The following MAST4 variants were observed in gnomAD, a reference collection of about 807,000 sequenced individuals.
The protein encoded by MAST4 is microtubule associated serine/threonine kinase family member 4.
In MAST4, 89 loss-of-function variants were observed where a neutral mutation model predicts 162.7. The observed-to-expected ratio is 0.55, with a 90% confidence interval of 0.46 to 0.65. MAST4 has a LOEUF of 0.65. Among genes scored for constraint, MAST4 ranks in the 30% least tolerant of loss-of-function variants. The pLI, the probability that MAST4 is intolerant of heterozygous loss-of-function variation, is 0.00. For missense variants in MAST4, 3,153 were observed against 3,374.0 expected, an observed-to-expected ratio of 0.93 and a Z score of 1.62; for synonymous variants, 1,479 against 1,361.1, an observed-to-expected ratio of 1.09 and a Z score of -1.91.
intron 1 of MAST4, among the ~76,000 whole-genome samples, chr5:66,672,726 A>G (rs528307126): frequency 3.3e-5 from 5 of 152,178 alleles, no homozygotes; most frequent in Non-Finnish European, 5.9e-5. Flanking sequence ...GGCCACCACA[A>G]AGAGTGCTCC....
chr5:66,739,158 C>T (rs1752338346), intron 1 of MAST4, among the ~76,000 whole-genome samples: 1 of 152,164 alleles, frequency 6.6e-6, no homozygotes, highest in African/African-American at 2.4e-5. Context: ...GAATTTCCTG[C>T]TTTTTCCTAT....
intron 4 of MAST4, among the ~76,000 whole-genome samples, chr5:66,942,617 G>A (rs1743487286): frequency 6.6e-6 from 1 of 152,126 alleles, no homozygotes; most frequent in Non-Finnish European, 1.5e-5. Flanking sequence ...TGAGCATGTT[G>A]TACCCTTCCA....
rs184761195 is a variant in MAST4, at chr5:66,826,610, C to G, written c.642+37816C>G. Among the ~76,000 whole-genome samples, 123 of 152,234 alleles carry G rather than the reference C, an allele frequency of 8.1e-4. 2 individuals are homozygous for G. The highest frequency in any genetic ancestry group is 6.0e-3 in the Admixed American group (91 of 15,290). On this transcript the variant is annotated intron_variant, in intron 3 of 28. Transcript: ENST00000403625. Reference sequence around the variant, plus strand: ...ACTGGTTTGTCCTCCCACCACCCCCCCCAATCCCCCGTCTCTTTCTCTGTA... The same window carrying G: ...ACTGGTTTGTCCTCCCACCACCCCCGCCAATCCCCCGTCTCTTTCTCTGTA...
rs964418676 is a variant in MAST4 at position 66,973,511 on chromosome 5, GTCC to G, written c.674+73535_674+73537del. The stretch of plus-strand genomic sequence containing the variant: ...ATATTTGCCAAGAACAGGTGATGAT[GTCC>G]TCCTCATAGCATCACACCAGGAAGT... On this transcript the variant is annotated intron_variant, in intron 4 of 28. Transcript: ENST00000403625. 3.7e-4 allele frequency among the ~76,000 whole-genome samples: 56 copies of G among 152,252 alleles called. 1 individual carries two copies. The highest frequency in any genetic ancestry group is 3.3e-4 in the Admixed American group (5 of 15,298).
chr5:66,607,912 C>T (rs1188547060), intron 1 of MAST4, among the ~76,000 whole-genome samples: 1 of 152,092 alleles, frequency 6.6e-6, no homozygotes, highest in Non-Finnish European at 1.5e-5. Context: ...GGCACCTATT[C>T]TTCCTGTCCC....
intron 3 of MAST4, among the ~76,000 whole-genome samples, chr5:66,894,405 A>C (rs1762551442): frequency 6.6e-6 from 1 of 152,172 alleles, no homozygotes. Flanking sequence ...TTACACATTC[A>C]AGTAATACTG....
At position 67,135,737 on chromosome 5, in the gene MAST4, G is replaced by A. The variant is rs923788414; in HGVS notation, c.2393-826G>A. On this transcript the variant is annotated intron_variant, in intron 18 of 28. Transcript: ENST00000403625. Reference sequence around the variant, plus strand: ...GGAATCAACTGTTTAATTAACACAAGCAGCAAATGCTGGCTTTGTTCTTGA... The same window carrying A: ...GGAATCAACTGTTTAATTAACACAAACAGCAAATGCTGGCTTTGTTCTTGA... 9.2e-5 allele frequency among the ~76,000 whole-genome samples: 14 copies of A among 152,176 alleles called. No homozygotes were observed. In the East Asian group the frequency reaches 9.6e-4, roughly 10 times the overall value.
At chr5:66,996,449 T>G (rs1182867312) in intron 4 of MAST4, among the ~76,000 whole-genome samples, 1 of 152,180 alleles carries the variant, frequency 6.6e-6, no homozygotes, top group African/African-American at 2.4e-5. Flanking sequence ...TATCATTGTT[T>G]TAGTTTCTTC....
At chr5:67,105,711 G>A (rs1173261364) in intron 10 of MAST4, among the ~76,000 whole-genome samples, 1 of 152,182 alleles carries the variant, frequency 6.6e-6, no homozygotes, top group East Asian at 1.9e-4. Context: ...TGCTAAATGA[G>A]TTACATTACA....
At chr5:67,091,435 A>G (rs76765714) in intron 6 of MAST4, among the ~76,000 whole-genome samples, 2,955 of 152,218 alleles carry the variant, frequency 0.019, 107 homozygotes, top group African/African-American at 0.068. Context: ...CACTGTTTTT[A>G]CCCCCAGCTC....
intron 1 of MAST4, among the ~76,000 whole-genome samples, chr5:66,664,155 G>T (rs912501866): frequency 6.6e-6 from 1 of 152,078 alleles, no homozygotes; most frequent in Non-Finnish European, 1.5e-5. Context: ...GGAGTTTGAG[G>T]CTGGGTGTGG....
At chr5:67,140,296 C>G (rs1332085171) in intron 19 of MAST4, among the ~76,000 whole-genome samples, 1 of 152,222 alleles carries the variant, frequency 6.6e-6, no homozygotes, top group East Asian at 1.9e-4. Context: ...CAGTTAAGCC[C>G]TCTTAGCTTT....
chr5:66,648,077 T>TGAGAGAGA (rs1347864859), intron 1 of MAST4, among the ~76,000 whole-genome samples: 6 of 98,998 alleles, frequency 6.1e-5, no homozygotes, highest in African/African-American at 2.8e-4. Flanking sequence ...TGTGTGTGTG[T>TGAGAGAGA]GTGTGTGAGA....
intron 16 of MAST4, among the ~76,000 whole-genome samples, chr5:67,132,754 G>A (rs777827364): frequency 1.3e-5 from 2 of 151,906 alleles, no homozygotes; most frequent in Admixed American, 1.3e-4. Context: ...CTTTAAGTAT[G>A]CTGAAAAGTT....
Position 67,166,170 on chromosome 5 carries a change from C to T in MAST4, c.6991C>T (p.Pro2331Ser). The stretch of plus-strand genomic sequence containing the variant: ...TGTTGGTGAAAAGCAAACCCTGTCT[C>T]CAAAGCACCCCAAACCATCCACTGT... ...SAVGEKQTLS[P>S]KHPKPSTVKD... Residue 2331 changes from proline (P) to serine (S), a missense_variant, in exon 29 of 29, where the codon CCA becomes TCA. Pro to Ser is a moderately conservative substitution (Grantham distance 74). Transcript: ENST00000403625. The T allele has an allele frequency of 1.3e-6, 2 of 1,556,994 alleles. No homozygotes were observed. The highest frequency in any genetic ancestry group is 1.7e-6 in the Non-Finnish European group (2 of 1,149,946).
intron 4 of MAST4, among the ~76,000 whole-genome samples, chr5:67,021,760 C>G (rs1242909603): frequency 1.3e-5 from 2 of 152,160 alleles, no homozygotes; most frequent in Non-Finnish European, 2.9e-5. Flanking sequence ...CTCCCACACA[C>G]AGTGGAGAGA....
At chr5:66,697,203 T>C (rs1018943090) in intron 1 of MAST4, among the ~76,000 whole-genome samples, 4 of 152,238 alleles carry the variant, frequency 2.6e-5, no homozygotes, top group African/African-American at 9.6e-5. Flanking sequence ...GGAAAACTTA[T>C]ATCTGCTACC....
intron 4 of MAST4, among the ~76,000 whole-genome samples, chr5:66,992,837 G>C (rs748954623): frequency 6.6e-6 from 1 of 152,166 alleles, no homozygotes; most frequent in South Asian, 2.1e-4. Context: ...TGAGCCAGGA[G>C]CCCCAGACTG....
At chr5:67,068,544 C>T (rs1264299906) in intron 5 of MAST4, among the ~76,000 whole-genome samples, 1 of 152,108 alleles carries the variant, frequency 6.6e-6, no homozygotes. Context: ...CCTCCCACAA[C>T]ATGTGGGGAT....
Sources: gnomAD v4.1 joint callset for allele counts (sites outside exome capture counted in the v4.1 genomes callset) on GRCh38, gnomAD v4.1.1 for gene constraint, MANE v1.5 for transcripts, NCBI Gene and HGNC (gene_info 2026-07-23, HGNC 2026-07-21) for gene names.